Variants in CNTNAP4 observed in about 807,000 individuals in gnomAD.
CNTNAP4 encodes the protein contactin associated protein family member 4.
Under a neutral mutation model 148.4 loss-of-function variants are expected in CNTNAP4, and 98 were observed. The observed-to-expected ratio is 0.66, with a 90% CI of 0.56 to 0.78. The LOEUF (loss-of-function observed/expected upper bound fraction) is 0.78. Ranked by LOEUF, CNTNAP4 falls within the 30% of genes least tolerant of loss-of-function variation. The probability of loss-of-function intolerance (pLI) is 0.00; values close to 1 mark genes in which losing one functional copy is unlikely to be tolerated. For synonymous variants in CNTNAP4, 730 were observed against 565.1 expected (o/e 1.29, Z -4.14); for missense variants, 1,935 against 1,565.6 (o/e 1.24, Z -3.98).
At chr16:76,368,465 C>T (rs746287523) in intron 3 of CNTNAP4, among the ~76,000 whole-genome samples, 4 of 152,144 alleles carry the variant, frequency 2.6e-5, no homozygotes, top group African/African-American at 9.7e-5. Flanking sequence ...GAAAATGTGG[C>T]ACATATACAC....
chr16:76,559,063 G>A lies in CNTNAP4; in HGVS notation c.*380G>A, dbSNP rs2085316380. Reference sequence around the variant, plus strand: ...GGACTATAATGTCCTTGCTTTATTTGAGAACATTTGCTGTGTTTGCTTTTG... The same window carrying A: ...GGACTATAATGTCCTTGCTTTATTTAAGAACATTTGCTGTGTTTGCTTTTG... On this transcript the variant is annotated 3_prime_UTR_variant, in exon 24 of 24. Transcript: ENST00000611870. The A allele has an allele frequency of 6.5e-6, 1 of 154,080 alleles. No homozygotes were observed. Among genetic ancestry groups the A allele is most frequent in the Non-Finnish European group, 1.4e-5 (1 of 69,464 alleles). 9.5% of individuals were successfully genotyped at this position (154,080 alleles called of 1,614,324 possible).
intron 2 of CNTNAP4, among the ~76,000 whole-genome samples, chr16:76,331,333 G>A (rs374021126): frequency 2.0e-5 from 3 of 151,746 alleles, no homozygotes; most frequent in South Asian, 2.1e-4. Flanking sequence ...GACTGCAGGC[G>A]CCCGCCACCA....
intron 3 of CNTNAP4, among the ~76,000 whole-genome samples, chr16:76,425,387 C>G (rs1255467744): frequency 3.9e-5 from 6 of 152,162 alleles, no homozygotes; most frequent in African/African-American, 1.4e-4. Flanking sequence ...CTTTCTCAAA[C>G]ATACACATTC....
chr16:76,465,501 C>T (rs2081143026), intron 9 of CNTNAP4, among the ~76,000 whole-genome samples: 1 of 152,120 alleles, frequency 6.6e-6, no homozygotes, highest in Admixed American at 6.5e-5. Context: ...AGGCATATTG[C>T]ACAATTTATT....
At chr16:76,443,183 A>G (rs1296488953) in intron 4 of CNTNAP4, among the ~76,000 whole-genome samples, 1 of 152,156 alleles carries the variant, frequency 6.6e-6, no homozygotes, top group African/African-American at 2.4e-5. Context: ...AAGCATACTA[A>G]TGAACAAATT....
In CNTNAP4 at chr16:76,540,731, A is replaced by G. The variant is rs1381105485; in HGVS notation, c.3383A>G (p.His1128Arg). 2 of 1,576,064 alleles carry G rather than the reference A, an allele frequency of 1.3e-6. No individual in the cohort carries two copies. The highest frequency in any genetic ancestry group is 2.3e-5 in the South Asian group (2 of 85,692). The change falls in exon 21 of 24, where the codon CAC becomes CGC. Residue 1128 changes from histidine (H) to arginine (R), a missense_variant. By Grantham distance (29) the His-to-Arg change is conservative (BLOSUM62 0). Coordinates refer to ENST00000611870, the MANE Select transcript of CNTNAP4 (RefSeq NM_033401.5). ...EIDDNRRRQV[H>R]LSSGTEFSAV... ...GACGATAATAGAAGGAGACAAGTTC[A>G]CCTGTCATCAGGCACAGAATTCAGT...
At chr16:76,459,286 C>T (rs8053362) in intron 8 of CNTNAP4, among the ~76,000 whole-genome samples, 63,435 of 152,022 alleles carry the variant, frequency 0.42, 13,389 homozygotes, top group Middle Eastern at 0.48. Flanking sequence ...TAATCCAGTC[C>T]TGTACCATCA....
At chr16:76,547,635 A>C (rs915168705) in intron 21 of CNTNAP4, among the ~76,000 whole-genome samples, 1 of 152,094 alleles carries the variant, frequency 6.6e-6, no homozygotes, top group African/African-American at 2.4e-5. Flanking sequence ...AGTTCTGTTC[A>C]TTTTTATGTT....
chr16:76,343,283 G>C (rs1964634102), intron 2 of CNTNAP4, among the ~76,000 whole-genome samples: 1 of 152,126 alleles, frequency 6.6e-6, no homozygotes, highest in Admixed American at 6.5e-5. Context: ...AAATGAGGTT[G>C]CATTGTGAGA....
intron 8 of CNTNAP4, among the ~76,000 whole-genome samples, chr16:76,455,688 T>A (rs1197338093): frequency 1.3e-5 from 2 of 152,264 alleles, no homozygotes; most frequent in Non-Finnish European, 2.9e-5. Context: ...GGCACTTCAG[T>A]GCGCTGAAAT....
At chr16:76,331,344 T>C (rs1963502694) in intron 2 of CNTNAP4, among the ~76,000 whole-genome samples, 1 of 151,982 alleles carries the variant, frequency 6.6e-6, no homozygotes, top group Non-Finnish European at 1.5e-5. Flanking sequence ...CCCGCCACCA[T>C]GCTCGGCTAA....
At chr16:76,338,810 A>C (rs1323471795) in intron 2 of CNTNAP4, among the ~76,000 whole-genome samples, 1 of 152,162 alleles carries the variant, frequency 6.6e-6, no homozygotes, top group Non-Finnish European at 1.5e-5. Context: ...TTCATGTTTA[A>C]GGTGGGGAAA....
At chr16:76,356,678 G>C (rs112070302) in intron 3 of CNTNAP4, among the ~76,000 whole-genome samples, 2,601 of 152,264 alleles carry the variant, frequency 0.017, 73 homozygotes, top group African/African-American at 0.059. Flanking sequence ...TGGAACTAGA[G>C]AAAATGGGTT....
chr16:76,555,493 G>A (rs2085159332), intron 23 of CNTNAP4, among the ~76,000 whole-genome samples: 1 of 152,104 alleles, frequency 6.6e-6, no homozygotes, highest in Admixed American at 6.6e-5. Flanking sequence ...TAGAATTCCT[G>A]GTCAAGCAAG....
At chr16:76,333,110 G>A (rs1191562861) in intron 2 of CNTNAP4, among the ~76,000 whole-genome samples, 1 of 152,152 alleles carries the variant, frequency 6.6e-6, no homozygotes, top group Non-Finnish European at 1.5e-5. Context: ...GTTTATGAGG[G>A]TTACATCTGT....
chr16:76,376,172 C>G (rs941602767), intron 3 of CNTNAP4, among the ~76,000 whole-genome samples: 1 of 151,904 alleles, frequency 6.6e-6, no homozygotes, highest in Non-Finnish European at 1.5e-5. Context: ...AGGAAGAAAA[C>G]CTTTATGCAA....
chr16:76,493,775 A>C (rs748386783), intron 13 of CNTNAP4, among the ~76,000 whole-genome samples: 9 of 152,202 alleles, frequency 5.9e-5, no homozygotes, highest in Non-Finnish European at 1.0e-4. Context: ...CACAGCTTCT[A>C]ATAACTCTTT....
chr16:76,444,585 G>C (rs1214238517), intron 4 of CNTNAP4, among the ~76,000 whole-genome samples: 2 of 151,738 alleles, frequency 1.3e-5, no homozygotes, highest in African/African-American at 4.8e-5. Flanking sequence ...AATTTTTTCA[G>C]GTTTTTATAT....
At chr16:76,328,017 A>G (rs1234324243) in intron 2 of CNTNAP4, among the ~76,000 whole-genome samples, 3 of 152,214 alleles carry the variant, frequency 2.0e-5, no homozygotes, top group Non-Finnish European at 4.4e-5. Flanking sequence ...CTCATCACCC[A>G]GTGAAGTGGA....
Sources: allele counts gnomAD v4.1 joint callset (sites outside exome capture counted in the v4.1 genomes callset), GRCh38; gene constraint gnomAD v4.1.1; transcripts MANE v1.5; gene names NCBI Gene and HGNC (gene_info 2026-07-23, HGNC 2026-07-21).